The following FMN2 variants were observed in gnomAD, a reference collection of about 807,000 sequenced individuals.
FMN2 encodes formin 2.
A neutral mutation model predicts 142.3 loss-of-function variants in FMN2; 51 were observed. The observed-to-expected ratio is 0.36, with a 90% confidence interval of 0.29 to 0.45. FMN2 has a LOEUF of 0.45. Among genes scored for constraint, FMN2 ranks in the 20% least tolerant of loss-of-function variants. The pLI, the probability that FMN2 is intolerant of heterozygous loss-of-function variation, is 1.00. For synonymous variants in FMN2, 882 were observed against 869.8 expected, an observed-to-expected ratio of 1.01 and a Z score of -0.25; for missense variants, 1,936 against 2,122.8, an observed-to-expected ratio of 0.91 and a Z score of 1.73.
Position 240,123,076 on chromosome 1 carries a change from C to T in FMN2, c.1616-103C>T, listed in dbSNP as rs77695747. 345 of 1,259,928 alleles carry T rather than the reference C, an allele frequency of 2.7e-4. No individual in the cohort carries two copies. The African/African-American group carries it at 4.1e-3, about 15-fold the overall frequency. The allele number at this position is 1,259,928 out of a possible 1,614,324, so 78.0% of individuals were successfully genotyped here. On this transcript the variant is annotated intron_variant, in intron 1 of 17. Coordinates refer to ENST00000319653, the MANE Select transcript of FMN2 (RefSeq NM_020066.5). ...TCTGCGCTGTCAGTAGCCTTGGAAA[C>T]GGTGTTGTTCCCTGGCAGTGTTTAC...
intron 11 of FMN2, among the ~76,000 whole-genome samples, chr1:240,331,825 T>C (rs1671385820): frequency 1.3e-5 from 2 of 152,246 alleles, no homozygotes; most frequent in South Asian, 4.1e-4. Context: ...CAGCCTACAG[T>C]TGGGCAAATC....
chr1:240,279,140 C>A (rs1440981772), intron 7 of FMN2, among the ~76,000 whole-genome samples: 1 of 152,096 alleles, frequency 6.6e-6, no homozygotes, highest in Non-Finnish European at 1.5e-5. Context: ...TTCCTCCAAC[C>A]AATGGTTTCC....
intron 3 of FMN2, among the ~76,000 whole-genome samples, chr1:240,185,451 A>G (rs976165034): frequency 1.3e-5 from 2 of 152,246 alleles, no homozygotes; most frequent in African/African-American, 4.8e-5. Flanking sequence ...AATAAAAACT[A>G]TAATGAAAGG....
At chr1:240,352,585 A>C (rs188811480) in intron 13 of FMN2, among the ~76,000 whole-genome samples, 6 of 152,252 alleles carry the variant, frequency 3.9e-5, no homozygotes, top group Admixed American at 3.9e-4. Flanking sequence ...TGTCTCAAAA[A>C]AAATTTAAAA....
intron 7 of FMN2, among the ~76,000 whole-genome samples, chr1:240,285,906 T>C (rs962263861): frequency 2.0e-5 from 3 of 152,078 alleles, no homozygotes; most frequent in Non-Finnish European, 4.4e-5. Flanking sequence ...TTTTCCTTTT[T>C]TTCCCCCGCT....
intron 2 of FMN2, among the ~76,000 whole-genome samples, chr1:240,176,024 CT>C (rs1270407000): frequency 6.6e-6 from 1 of 152,016 alleles, no homozygotes; most frequent in African/African-American, 2.4e-5. Flanking sequence ...TGATTGTGTC[CT>C]TTGATGCACG....
intron 16 of FMN2, among the ~76,000 whole-genome samples, chr1:240,465,762 G>T (rs2103237739): frequency 6.6e-6 from 1 of 152,334 alleles, no homozygotes; most frequent in South Asian, 2.1e-4. Context: ...AATGATGAAA[G>T]CATGTCTGTT....
intron 10 of FMN2, among the ~76,000 whole-genome samples, chr1:240,329,790 T>TA (rs1457657944): frequency 1.4e-5 from 2 of 140,286 alleles, no homozygotes; most frequent in African/African-American, 5.4e-5. Context: ...CAAAGGAATG[T>TA]AATTTGAAGG....
At chr1:240,189,607 T>C (rs1263032581) in intron 4 of FMN2, among the ~76,000 whole-genome samples, 7 of 152,234 alleles carry the variant, frequency 4.6e-5, no homozygotes, top group African/African-American at 1.7e-4. Context: ...AGCACCTGGG[T>C]GCTTTTCAAA....
chr1:240,123,337 T>A lies in FMN2; in HGVS notation c.1774T>A (p.Ser592Thr). ...TCAGAATGCCCAGACGAATGCAGCT[T>A]CGTTTGATGTAAGTAGGAGAATTCA... The part of the protein sequence containing the change: ...CNQNAQTNAA[S>T]FDQDQLYTWA... The change falls in exon 2 of 18, where the codon TCG (serine) becomes ACG (threonine). Residue 592 changes from serine (S) to threonine (T), a missense_variant. Physicochemically the swap from Ser to Thr is moderately conservative, Grantham distance 58. This residue lies in a region of FMN2 where 478 missense variants were observed against 462.8 expected (regional missense o/e 1.03). Coordinates refer to ENST00000319653, the MANE Select transcript of FMN2 (RefSeq NM_020066.5). 1 of 1,613,750 alleles carries A rather than the reference T, an allele frequency of 6.2e-7. No homozygotes were observed. Among genetic ancestry groups the A allele is most frequent in the Non-Finnish European group, 8.5e-7 (1 of 1,179,896 alleles).
chr1:240,242,286 T>C (rs1667938720), intron 6 of FMN2, among the ~76,000 whole-genome samples: 2 of 152,208 alleles, frequency 1.3e-5, no homozygotes, highest in South Asian at 4.1e-4. Context: ...TGATTTATAA[T>C]GGTATATTGA....
rs1663248038 is a variant in FMN2 at position 240,142,838 on chromosome 1, C to G, written c.1782+19493C>G. ...TCTTAGGCTTGCCAGCCTGGCCCAC[C>G]ACATCCACTGCCTGGCCTACATGGA... is the stretch of plus-strand genomic sequence containing the variant. On this transcript the variant is annotated intron_variant, in intron 2 of 17. Coordinates refer to ENST00000319653, the MANE Select transcript of FMN2 (RefSeq NM_020066.5). The G allele has an allele frequency of 1.4e-5, 22 of 1,587,338 alleles. No individual in the cohort carries two copies. In the East Asian group the frequency reaches 4.5e-4, roughly 32 times the overall value.
chr1:240,307,041 C>T (rs1017157155), intron 8 of FMN2, among the ~76,000 whole-genome samples: 1 of 152,114 alleles, frequency 6.6e-6, no homozygotes, highest in South Asian at 2.1e-4. Flanking sequence ...TGCTTGTTAT[C>T]ATCTTTTGAG....
At chr1:240,291,170 C>T (rs1669773344) in intron 7 of FMN2, among the ~76,000 whole-genome samples, 1 of 152,044 alleles carries the variant, frequency 6.6e-6, no homozygotes, top group Non-Finnish European at 1.5e-5. Context: ...TGGTAAATAT[C>T]TCCGTTGTTT....
At chr1:240,265,536 A>C (rs545831928) in intron 7 of FMN2, among the ~76,000 whole-genome samples, 2 of 152,244 alleles carry the variant, frequency 1.3e-5, no homozygotes, top group Non-Finnish European at 2.9e-5. Flanking sequence ...GAGAGTTCTC[A>C]CCAGTGACTG....
chr1:240,233,340 G>T (rs1030476550), intron 6 of FMN2, among the ~76,000 whole-genome samples: 1 of 149,952 alleles, frequency 6.7e-6, no homozygotes, highest in Non-Finnish European at 1.5e-5. Flanking sequence ...AGCCGAGATC[G>T]CACCACTGCA....
rs558440073 is a variant in FMN2 at position 240,269,399 on chromosome 1, C to T, written c.4153+11367C>T. ...GGACACTCCATTCTATTCCACTGGA[C>T]GATGTGTCTATTTTTATGCCACCAC... On this transcript the variant is annotated intron_variant, in intron 7 of 17. Coordinates refer to ENST00000319653, the MANE Select transcript of FMN2 (RefSeq NM_020066.5). Among the ~76,000 whole-genome samples the T allele has an allele frequency of 2.6e-5, 4 of 152,072 alleles. No individual in the cohort carries two copies. In the South Asian group the frequency reaches 6.2e-4, roughly 24 times the overall value.
At chr1:240,190,587 T>C (rs1665660572) in intron 4 of FMN2, among the ~76,000 whole-genome samples, 1 of 152,208 alleles carries the variant, frequency 6.6e-6, no homozygotes, top group African/African-American at 2.4e-5. Flanking sequence ...AAAATGATTA[T>C]ATGAGTTAAA....
intron 4 of FMN2, among the ~76,000 whole-genome samples, chr1:240,198,702 A>G (rs1338535918): frequency 6.6e-6 from 1 of 150,506 alleles, no homozygotes; most frequent in Non-Finnish European, 1.5e-5. Flanking sequence ...GTGCAAAATT[A>G]TATCTATATA....
Sources: allele counts gnomAD v4.1 joint callset (sites outside exome capture counted in the v4.1 genomes callset), GRCh38; gene constraint gnomAD v4.1.1; regional missense constraint gnomAD v4.1.1; transcripts MANE v1.5; gene names NCBI Gene and HGNC (gene_info 2026-07-23, HGNC 2026-07-21).